THOC1: variants seen among roughly 807,000 people sequenced by gnomAD.
THOC1 encodes THO complex subunit 1, also known as THO complex 1.
THOC1 carries 29 observed loss-of-function variants against 97.3 expected under a neutral mutation model. The observed-to-expected ratio is 0.30, with a 90% CI of 0.22 to 0.41. THOC1 has a LOEUF of 0.41. THOC1 is among the 10% of genes least tolerant of loss of function. The pLI, the probability that THOC1 is intolerant of heterozygous loss-of-function variation, is 1.00. For synonymous variants in THOC1, 255 were observed against 257.0 expected (o/e 0.99, Z 0.07); for missense variants, 529 against 761.9 (o/e 0.69, Z 3.60).
chr18:244,512 A>C (rs1912021174), intron 11 of THOC1: 3 of 152,122 alleles, frequency 2.0e-5, no homozygotes, highest in African/African-American at 7.2e-5. Flanking sequence ...TCAGCACTTT[A>C]ATATTTCTCT....
intron 7 of THOC1, among the ~76,000 whole-genome samples, chr18:255,264 TA>T (rs1440584778): frequency 1.3e-5 from 2 of 152,184 alleles, no homozygotes; most frequent in African/African-American, 2.4e-5. Flanking sequence ...GCTTAGTAAT[TA>T]AGGCATGTCA....
In THOC1 at chr18:239,304, TTTTA is replaced by T. The variant is rs1215988695; in HGVS notation, c.918+7016_918+7019del. Among the ~76,000 whole-genome samples the T allele has an allele frequency of 3.9e-5, 6 of 152,174 alleles. No homozygotes were observed. In the East Asian group the frequency reaches 9.6e-4, roughly 24 times the overall value. On this transcript the variant is annotated intron_variant, in intron 11 of 20. Coordinates refer to ENST00000261600, the MANE Select transcript of THOC1 (RefSeq NM_005131.3). ...CCCTAACATACGATACTTTTATTTATTTTATTTATTTATTTTTTGAGACAGAGTC... is the reference window on the plus strand; with the variant it reads ...CCCTAACATACGATACTTTTATTTATTTTATTTATTTTTTGAGACAGAGTC...
At chr18:237,782 T>C (rs924099687) in intron 11 of THOC1, among the ~76,000 whole-genome samples, 1 of 152,194 alleles carries the variant, frequency 6.6e-6, no homozygotes, top group African/African-American at 2.4e-5. Flanking sequence ...ACTTACTCAA[T>C]TGAAATAGAA....
intron 11 of THOC1, among the ~76,000 whole-genome samples, chr18:235,707 G>C (rs1485198145): frequency 6.6e-6 from 1 of 152,114 alleles, no homozygotes; most frequent in African/African-American, 2.4e-5. Flanking sequence ...AATGTGGCCA[G>C]AGAATGTGTT....
chr18:251,621 T>C (rs1304955792), intron 9 of THOC1, among the ~76,000 whole-genome samples: 1 of 152,174 alleles, frequency 6.6e-6, no homozygotes, highest in Admixed American at 6.5e-5. Flanking sequence ...TTGCACATTC[T>C]CCCTATGTCT....
rs141073871 is a variant in THOC1, at chr18:242,215, G to A, written c.918+4109C>T. 6.6e-4 allele frequency among the ~76,000 whole-genome samples: 100 copies of A among 151,694 alleles called. No individual in the cohort carries two copies. The East Asian group carries it at 0.018, about 27-fold the overall frequency. On this transcript the variant is annotated intron_variant, in intron 11 of 20. Coordinates refer to ENST00000261600, the MANE Select transcript of THOC1 (RefSeq NM_005131.3). The surrounding 1 kb of genome is among the most constrained non-coding windows in gnomAD (Gnocchi z 4.5). ...CATCTGGCTGGGCGTGGTGGCTCAC[G>A]CCTGTAATCCCTGCACTTTGGAAGG...
chr18:243,273 C>T (rs1450652174), intron 11 of THOC1, among the ~76,000 whole-genome samples: 1 of 152,124 alleles, frequency 6.6e-6, no homozygotes, highest in Admixed American at 6.6e-5. Flanking sequence ...CACAAAGAAT[C>T]AGAAAAGGAG....
rs574574101 is a variant in THOC1 at position 242,226 on chromosome 18, C to T, written c.918+4098G>A. Among the ~76,000 whole-genome samples, 2 of 151,740 alleles carry T rather than the reference C, an allele frequency of 1.3e-5. No individual in the cohort carries two copies. The highest frequency in any genetic ancestry group is 1.9e-4 in the East Asian group (1 of 5,184). ...GCGTGGTGGCTCACGCCTGTAATCCCTGCACTTTGGAAGGCTGAGGCAGGC... is the reference window on the plus strand; with the variant it reads ...GCGTGGTGGCTCACGCCTGTAATCCTTGCACTTTGGAAGGCTGAGGCAGGC... On this transcript the variant is annotated intron_variant, in intron 11 of 20. Coordinates refer to ENST00000261600, the MANE Select transcript of THOC1 (RefSeq NM_005131.3). The surrounding 1 kb of genome is among the most constrained non-coding windows in gnomAD (Gnocchi z 4.5).
At chr18:225,559 G>T (rs768859562) in intron 12 of THOC1, 156 bp from the exon 13 acceptor site, 1 of 627,948 alleles carries the variant, frequency 1.6e-6, no homozygotes, top group Non-Finnish European at 2.7e-6. Context: ...GATTATAAGA[G>T]AAAATTCTTG....
chr18:265,840 T>A (rs1181190628), intron 1 of THOC1, among the ~76,000 whole-genome samples: 1 of 152,224 alleles, frequency 6.6e-6, no homozygotes. Flanking sequence ...GGCTCCTTAT[T>A]TGCCCGTTTT....
intron 11 of THOC1, among the ~76,000 whole-genome samples, chr18:233,593 CAAAT>C (rs1020539111): frequency 2.0e-5 from 3 of 152,142 alleles, no homozygotes; most frequent in Admixed American, 6.5e-5. Flanking sequence ...TCAAAATAAA[CAAAT>C]AAATAAATAA....
chr18:235,869 C>A (rs1911662195), intron 11 of THOC1, among the ~76,000 whole-genome samples: 1 of 152,178 alleles, frequency 6.6e-6, no homozygotes, highest in African/African-American at 2.4e-5. Flanking sequence ...TTGTTCAAAT[C>A]TTCCATATAC....
chr18:256,345 T>C (rs749119152), intron 7 of THOC1, among the ~76,000 whole-genome samples: 6 of 152,220 alleles, frequency 3.9e-5, no homozygotes, highest in Non-Finnish European at 8.8e-5. Context: ...AAGAGGTTGA[T>C]TCCAACCCTC....
intron 1 of THOC1, among the ~76,000 whole-genome samples, chr18:265,763 A>G (rs946094693): frequency 6.6e-6 from 1 of 151,958 alleles, no homozygotes; most frequent in Non-Finnish European, 1.5e-5. Flanking sequence ...ATTCTAGGTG[A>G]TATTTCTGTC....
At chr18:253,160 T>C (rs1912334435) in intron 8 of THOC1, among the ~76,000 whole-genome samples, 1 of 152,248 alleles carries the variant, frequency 6.6e-6, no homozygotes, top group African/African-American at 2.4e-5. Flanking sequence ...GCATTCTCCA[T>C]GTGCCACTGG....
chr18:231,583 A>C (rs1911486601), intron 11 of THOC1, among the ~76,000 whole-genome samples: 1 of 152,216 alleles, frequency 6.6e-6, no homozygotes. Context: ...ATAGTTAAGT[A>C]ATACAACATT....
chr18:259,928 CTG>C, intron 5 of THOC1, 198 bp from the exon 6 acceptor site: 3 of 528,502 alleles, frequency 5.7e-6, no homozygotes, highest in Non-Finnish European at 1.0e-5. Context: ...TACTAAGTAA[CTG>C]TTTTAAACAT....
rs1433200586 is a variant in THOC1 at position 268,025 on chromosome 18, C to G, written c.-6G>C. 2 of 1,583,446 alleles carry G rather than the reference C, an allele frequency of 1.3e-6. No homozygotes were observed. Among genetic ancestry groups the G allele is most frequent in the Admixed American group, 3.5e-5 (2 of 57,304 alleles). On this transcript the variant is annotated 5_prime_UTR_variant, in exon 1 of 21. Transcript: ENST00000261600. ...AGCGGCGGCGTCGGAGACATCTTCT[C>G]GGCTGCGCGTGCCCGCCACTGCGCT... is the stretch of plus-strand genomic sequence containing the variant.
chr18:256,008 T>C (rs542607049), intron 7 of THOC1, among the ~76,000 whole-genome samples: 114 of 152,340 alleles, frequency 7.5e-4, no homozygotes, highest in African/African-American at 2.7e-3. Flanking sequence ...GAAAAAAAGA[T>C]TTCCTTTCAC....
Sources: gnomAD v4.1 joint callset for allele counts (sites outside exome capture counted in the v4.1 genomes callset) on GRCh38, gnomAD v4.1.1 for gene constraint, Gnocchi (gnomAD v3.1) non-coding constraint, MANE v1.5 for transcripts, NCBI Gene and HGNC (gene_info 2026-07-23, HGNC 2026-07-21) for gene names.